The following CAMK2A variants were observed in gnomAD, a reference collection of about 807,000 sequenced individuals.
CAMK2A encodes calcium/calmodulin dependent protein kinase II alpha, also known as calcium/calmodulin-dependent protein kinase type II subunit alpha.
In CAMK2A, 7 loss-of-function variants were observed where a neutral mutation model predicts 79.2. The observed-to-expected ratio is 0.09, with a 90% CI of 0.05 to 0.17. The LOEUF is 0.17. Ranked by LOEUF, CAMK2A falls within the 10% of genes least tolerant of loss-of-function variation. CAMK2A has a pLI of 1.00. For missense variants in CAMK2A, 214 were observed against 646.4 expected (o/e 0.33, Z 7.25); for synonymous variants, 242 against 251.7 (o/e 0.96, Z 0.36).
chr5:150,238,431 G>A (rs1368392268), intron 15 of CAMK2A: 6 of 327,798 alleles, frequency 1.8e-5, no homozygotes, highest in Middle Eastern at 8.2e-4. Context: ...CAGCCTGGAC[G>A]ACAGAGCGAG....
chr5:150,259,254 C>T (rs1443210560), intron 3 of CAMK2A, among the ~76,000 whole-genome samples: 2 of 151,944 alleles, frequency 1.3e-5, no homozygotes, highest in Non-Finnish European at 2.9e-5. Context: ...GGTGCGGTGG[C>T]TCACCCTGTA....
At chr5:150,245,980 A>G (rs2114055648) in intron 12 of CAMK2A, among the ~76,000 whole-genome samples, 1 of 152,388 alleles carries the variant, frequency 6.6e-6, no homozygotes, top group Non-Finnish European at 1.5e-5. Flanking sequence ...CGGCTGCTTC[A>G]GACTTAAGCA....
rs143145183 is a variant in CAMK2A, at chr5:150,222,949, C to T, written c.1466+40G>A. On this transcript the variant is annotated intron_variant, in intron 18 of 18. Transcript: ENST00000671881. ...CCCCCTCCAGGGCAACACTCCCATC[C>T]TTTACATTACCCTGGGAGGCAGGAA... 7.2e-4 allele frequency: 1,134 copies of T among 1,578,600 alleles called. 12 individuals are homozygous for T. The East Asian group carries it at 0.023, about 31-fold the overall frequency.
At chr5:150,269,393 A>G (rs571737818) in intron 2 of CAMK2A, among the ~76,000 whole-genome samples, 91 of 152,062 alleles carry the variant, frequency 6.0e-4, no homozygotes, top group South Asian at 1.2e-3. Flanking sequence ...AAGACCTTCA[A>G]TCACACAAAT....
chr5:150,222,204 C>T lies in CAMK2A; in HGVS notation c.*506G>A, dbSNP rs576005520. 9.9e-5 allele frequency: 42 copies of T among 426,270 alleles called. No homozygotes were observed. The highest frequency in any genetic ancestry group is 7.0e-4 in the Middle Eastern group (1 of 1,434). 26.4% of individuals were successfully genotyped at this position (426,270 alleles called of 1,614,324 possible). A position where few individuals can be genotyped will look rare whatever the true frequency, so the allele number is the denominator to read the frequency against. On this transcript the variant is annotated 3_prime_UTR_variant, in exon 19 of 19. Transcript: ENST00000671881. ...GCACTTTGAGGCAGGAGGCTCCTGG[C>T]GTATGCTCTTCTCCCCACTCCTTCA...
chr5:150,229,145 G>A (rs1344712268), intron 16 of CAMK2A, among the ~76,000 whole-genome samples: 1 of 152,232 alleles, frequency 6.6e-6, no homozygotes, highest in Non-Finnish European at 1.5e-5. Flanking sequence ...ACACCCAGGA[G>A]AAGGTGTCAG....
chr5:150,247,711 G>C, intron 12 of CAMK2A, 61 bp downstream of exon 12: 2 of 1,394,228 alleles, frequency 1.4e-6, no homozygotes, highest in Non-Finnish European at 1.0e-6. Flanking sequence ...TATCTGACAG[G>C]ACGGTGCCCC....
At chr5:150,242,390 G>A (rs972626029) in intron 13 of CAMK2A, among the ~76,000 whole-genome samples, 5 of 152,140 alleles carry the variant, frequency 3.3e-5, no homozygotes, top group Non-Finnish European at 7.3e-5. Context: ...GCCTCGAAAA[G>A]CCCTCCAAGG....
intron 9 of CAMK2A, among the ~76,000 whole-genome samples, chr5:150,251,210 C>T (rs145254671): frequency 4.6e-5 from 7 of 152,314 alleles, no homozygotes; most frequent in East Asian, 3.9e-4. Flanking sequence ...ATAAAACATA[C>T]GGCACAGAGC....
At position 150,222,273 on chromosome 5, in the gene CAMK2A, C is replaced by T. The variant is rs767757040; in HGVS notation, c.*437G>A. 3 of 568,654 alleles carry T rather than the reference C, an allele frequency of 5.3e-6. No homozygotes were observed. The highest frequency in any genetic ancestry group is 6.3e-6 in the Non-Finnish European group (2 of 316,644). 35.2% of individuals were successfully genotyped at this position (568,654 alleles called of 1,614,324 possible). A position where few individuals can be genotyped will look rare whatever the true frequency, so the allele number is the denominator to read the frequency against. ...GAAGGGAGTGTCATCTGCCCTTCCC[C>T]GGGGACACTGGAAGAGGAGAGGTCT... On this transcript the variant is annotated 3_prime_UTR_variant, in exon 19 of 19. Transcript: ENST00000671881.
intron 1 of CAMK2A, among the ~76,000 whole-genome samples, chr5:150,280,965 TCTGTGC>T (rs2150308890): frequency 1.3e-5 from 2 of 152,308 alleles, no homozygotes; most frequent in Admixed American, 1.3e-4. Flanking sequence ...TGATTCTGTG[TCTGTGC>T]ATTGTTCTGG....
intron 2 of CAMK2A, among the ~76,000 whole-genome samples, chr5:150,272,363 G>A (rs1026226386): frequency 3.3e-5 from 5 of 152,118 alleles, no homozygotes; most frequent in Middle Eastern, 3.2e-3. Flanking sequence ...TCAAGAGTTC[G>A]AGACCAGCCT....
intron 16 of CAMK2A, among the ~76,000 whole-genome samples, chr5:150,230,557 C>A (rs1754797263): frequency 6.6e-6 from 1 of 152,210 alleles, no homozygotes; most frequent in African/African-American, 2.4e-5. Context: ...CAGGCCTTGT[C>A]AGCACTGGCC....
chr5:150,254,790 T>A (rs1403116430), intron 6 of CAMK2A, among the ~76,000 whole-genome samples: 2 of 152,236 alleles, frequency 1.3e-5, no homozygotes, highest in Non-Finnish European at 2.9e-5. Context: ...AATGCTTACC[T>A]TATGGGGTGG....
intron 15 of CAMK2A, among the ~76,000 whole-genome samples, chr5:150,231,878 G>A (rs1754858763): frequency 1.3e-5 from 2 of 152,190 alleles, no homozygotes; most frequent in South Asian, 4.1e-4. Flanking sequence ...AAAAATCTTA[G>A]GGTATACGCA....
At position 150,256,013 on chromosome 5, in the gene CAMK2A, C is replaced by A. The variant is rs973968944; in HGVS notation, c.411+560G>T. On this transcript the variant is annotated intron_variant, in intron 6 of 18. Coordinates refer to ENST00000671881, the MANE Select transcript of CAMK2A (RefSeq NM_015981.4). The surrounding 1 kb of genome is among the most constrained non-coding windows in gnomAD (Gnocchi z 4.6). Reference sequence around the variant, plus strand: ...CAGCTGGTGCCAGTCCTAGACTCTGCAATCTCCTTCAGGTAAAAGAAAGGA... The same window carrying A: ...CAGCTGGTGCCAGTCCTAGACTCTGAAATCTCCTTCAGGTAAAAGAAAGGA... 1.3e-5 allele frequency among the ~76,000 whole-genome samples: 2 copies of A among 152,184 alleles called. No homozygotes were observed. The highest frequency in any genetic ancestry group is 2.9e-5 in the Non-Finnish European group (2 of 68,032).
At chr5:150,262,891 T>C (rs1756356189) in intron 3 of CAMK2A, among the ~76,000 whole-genome samples, 1 of 152,036 alleles carries the variant, frequency 6.6e-6, no homozygotes, top group Non-Finnish European at 1.5e-5. Context: ...AACCCCATTC[T>C]CCTAACCACC....
Position 150,227,309 on chromosome 5 carries a change from CT to C in CAMK2A, c.1237+882del, listed in dbSNP as rs376011890. Among the ~76,000 whole-genome samples the C allele has an allele frequency of 1.4e-3, 206 of 152,310 alleles. 7 individuals are homozygous for C. In the South Asian group the frequency reaches 0.035, roughly 26 times the overall value. On this transcript the variant is annotated intron_variant, in intron 17 of 18. Coordinates refer to ENST00000671881, the MANE Select transcript of CAMK2A (RefSeq NM_015981.4). ...CTAGCACCCAGCAGAGTCTTTCCCC[CT>C]GATGGAGCCAGAGTATTGAGAGAGA... is the stretch of plus-strand genomic sequence containing the variant.
At chr5:150,237,845 TCA>T (rs1273425284) in intron 15 of CAMK2A, among the ~76,000 whole-genome samples, 1 of 152,156 alleles carries the variant, frequency 6.6e-6, no homozygotes, top group African/African-American at 2.4e-5. Context: ...TTATCCTTAC[TCA>T]CAATCCAATC....
Sources: allele counts gnomAD v4.1 joint callset (sites outside exome capture counted in the v4.1 genomes callset), GRCh38; gene constraint gnomAD v4.1.1; non-coding constraint Gnocchi (gnomAD v3.1); transcripts MANE v1.5; gene names NCBI Gene and HGNC (gene_info 2026-07-23, HGNC 2026-07-21).